Variants in FLRT1 observed in about 807,000 individuals in gnomAD.
The protein encoded by FLRT1 is leucine-rich repeat transmembrane protein FLRT1.
In FLRT1, 14 loss-of-function variants were observed where a neutral mutation model predicts 30.9. The ratio of observed to expected loss-of-function variants is 0.45; its 90% CI spans 0.30 to 0.71. The LOEUF (loss-of-function observed/expected upper bound fraction) is 0.71. Ranked by LOEUF, FLRT1 falls within the 30% of genes least tolerant of loss-of-function variation. The pLI is 0.08. For missense variants in FLRT1, 737 were observed against 949.2 expected, an observed-to-expected ratio of 0.78 and a Z score of 2.94; for synonymous variants, 368 against 430.4, an observed-to-expected ratio of 0.85 and a Z score of 1.80.
intron 2 of FLRT1, among the ~76,000 whole-genome samples, chr11:64,113,873 T>TGGATGGA (rs148072020): frequency 7.4e-6 from 1 of 135,220 alleles, no homozygotes; most frequent in Non-Finnish European, 1.6e-5. Flanking sequence ...GATTGATACA[T>TGGATGGA]GGATGGATGG....
chr11:64,085,629 C>G (rs751680354), intron 1 of FLRT1, among the ~76,000 whole-genome samples: 38 of 152,216 alleles, frequency 2.5e-4, no homozygotes, highest in Non-Finnish European at 4.7e-4. Context: ...GTTCCTCTGC[C>G]CCACATGGCT....
At position 64,064,492 on chromosome 11, in the gene FLRT1, C is replaced by T. The variant is rs1031072073; in HGVS notation, c.-1038+28333C>T. 2.6e-5 allele frequency among the ~76,000 whole-genome samples: 4 copies of T among 152,110 alleles called. No individual in the cohort carries two copies. Among genetic ancestry groups the T allele is most frequent in the African/African-American group, 4.8e-5 (2 of 41,424 alleles). On this transcript the variant is annotated intron_variant, in intron 1 of 2. Coordinates refer to ENST00000682287, the MANE Select transcript of FLRT1 (RefSeq NM_013280.5). This position sits in a 1 kb window ranked among gnomAD's most constrained non-coding sequence, Gnocchi z 4.5. ...AGAACCGGAGGCCTCAGGCCTGCCC[C>T]GGATGGGCACGCAGGCAGGGTGCAT... is the stretch of plus-strand genomic sequence containing the variant.
chr11:64,044,004 G>A (rs1943537911), intron 1 of FLRT1, among the ~76,000 whole-genome samples: 2 of 152,032 alleles, frequency 1.3e-5, no homozygotes, highest in Middle Eastern at 6.8e-3. Flanking sequence ...TAGTAGAGAC[G>A]GGGATTCACC....
intron 1 of FLRT1, among the ~76,000 whole-genome samples, chr11:64,046,678 T>G (rs1448521817): frequency 1.3e-5 from 2 of 152,136 alleles, no homozygotes; most frequent in Non-Finnish European, 1.5e-5. Context: ...TTTGTATTTT[T>G]AATAGAAGCA....
At chr11:64,058,082 C>T (rs553487452) in intron 1 of FLRT1, among the ~76,000 whole-genome samples, 18 of 152,348 alleles carry the variant, frequency 1.2e-4, no homozygotes, top group African/African-American at 3.6e-4. Context: ...GGAACAATTG[C>T]GAACCCATTA....
At chr11:64,065,666 T>G (rs189222621) in intron 1 of FLRT1, among the ~76,000 whole-genome samples, 5 of 152,002 alleles carry the variant, frequency 3.3e-5, no homozygotes, top group Non-Finnish European at 5.9e-5. Context: ...GGCGGCCGCC[T>G]GTAGTCCCAG....
chr11:64,114,256 GTGGATGGA>G (rs1555025643), intron 2 of FLRT1, among the ~76,000 whole-genome samples: 5 of 137,904 alleles, frequency 3.6e-5, no homozygotes, highest in Non-Finnish European at 6.2e-5. Context: ...GGATGGTTAG[GTGGATGGA>G]TGGATGGATG....
chr11:64,081,351 T>C (rs956926907), intron 1 of FLRT1, among the ~76,000 whole-genome samples: 2 of 152,172 alleles, frequency 1.3e-5, no homozygotes, highest in South Asian at 2.1e-4. Flanking sequence ...TCAATGACCA[T>C]GAACTCGCAT....
chr11:64,078,135 C>A (rs1186661482), intron 1 of FLRT1, among the ~76,000 whole-genome samples: 1 of 152,228 alleles, frequency 6.6e-6, no homozygotes, highest in East Asian at 1.9e-4. Context: ...GCACTCCTTT[C>A]CTTCCTCTCA....
intron 1 of FLRT1, among the ~76,000 whole-genome samples, chr11:64,069,105 T>A (rs1944058494): frequency 6.6e-6 from 1 of 151,872 alleles, no homozygotes; most frequent in African/African-American, 2.4e-5. Context: ...GAGAACCAGT[T>A]AGGGGTGTGA....
Position 64,090,187 on chromosome 11 carries a change from G to T in FLRT1, c.-1037-13007G>T, listed in dbSNP as rs944100330. Among the ~76,000 whole-genome samples the T allele has an allele frequency of 6.6e-6, 1 of 152,140 alleles. No individual in the cohort carries two copies. The highest frequency in any genetic ancestry group is 1.9e-4 in the East Asian group (1 of 5,192). Reference sequence around the variant, plus strand: ...TCCCAGGCCCCAGGTTTCAGGCCCCGAACAGCCTGAGTCCACAGGGTGACA... The same window carrying T: ...TCCCAGGCCCCAGGTTTCAGGCCCCTAACAGCCTGAGTCCACAGGGTGACA... On this transcript the variant is annotated intron_variant, in intron 1 of 2. Transcript: ENST00000682287. This position sits in a 1 kb window ranked among gnomAD's most constrained non-coding sequence, Gnocchi z 4.7.
intron 1 of FLRT1, among the ~76,000 whole-genome samples, chr11:64,053,107 G>T (rs766572711): frequency 1.3e-5 from 2 of 152,212 alleles, no homozygotes; most frequent in African/African-American, 2.4e-5. Context: ...TGCCTGAGGG[G>T]TGTGCAGGGA....
rs556412927 is a variant in FLRT1 at position 64,040,569 on chromosome 11, G to A, written c.-1038+4410G>A. On this transcript the variant is annotated intron_variant, in intron 1 of 2. Transcript: ENST00000682287. ...CTGGAAGAGTGGGCTTCCTAGGCCC[G>A]GGATGCCAGGTCCCCTTTTCCCGAG... is the stretch of plus-strand genomic sequence containing the variant. 2.3e-4 allele frequency among the ~76,000 whole-genome samples: 35 copies of A among 152,360 alleles called. 1 individual carries two copies. The highest frequency in any genetic ancestry group is 6.2e-4 in the South Asian group (3 of 4,832).
At chr11:64,108,007 A>G (rs1944793347) in intron 2 of FLRT1, among the ~76,000 whole-genome samples, 1 of 152,176 alleles carries the variant, frequency 6.6e-6, no homozygotes, top group Admixed American at 6.5e-5. Context: ...TATCTTCACA[A>G]AAGCCCAGGG....
intron 1 of FLRT1, among the ~76,000 whole-genome samples, chr11:64,075,434 A>G (rs930416372): frequency 3.9e-5 from 6 of 152,242 alleles, no homozygotes; most frequent in African/African-American, 1.4e-4. Flanking sequence ...CATTTTACAG[A>G]TGGAAGCAAC....
rs1030400423 is a variant in FLRT1 at position 64,116,816 on chromosome 11, C to G, written c.549C>G (p.Phe183Leu). Residue 183 changes from phenylalanine to leucine, a missense_variant, in exon 3 of 3, where the codon TTC becomes TTG. Phe to Leu is a conservative substitution (Grantham distance 22, BLOSUM62 0). Transcript: ENST00000682287. ...ACAGCAAACAGCTCAAGCTGCTCTT[C>G]CTGAGCCGGAACCACCTGAGCAGCA... ...FADSKQLKLL[F>L]LSRNHLSSIP... The G allele has an allele frequency of 1.2e-6, 2 of 1,613,348 alleles. No homozygotes were observed. Among genetic ancestry groups the G allele is most frequent in the Non-Finnish European group, 1.7e-6 (2 of 1,180,028 alleles).
chr11:64,071,874 G>A (rs1448644333), intron 1 of FLRT1, among the ~76,000 whole-genome samples: 4 of 152,166 alleles, frequency 2.6e-5, no homozygotes, highest in Non-Finnish European at 5.9e-5. Context: ...CAGTAGTGGC[G>A]AGAGCCCTGG....
At chr11:64,106,286 GT>G (rs1243271460) in intron 2 of FLRT1, among the ~76,000 whole-genome samples, 1 of 152,092 alleles carries the variant, frequency 6.6e-6, no homozygotes, top group East Asian at 1.9e-4. Context: ...GGCACCCTGG[GT>G]CACCATGACG....
rs149201406 is a variant in FLRT1, at chr11:64,115,977, C to T, written c.-49-242C>T. ...AGCACGGGTCTCATTAATGCGCAGC[C>T]TCTTGGCTCCTGATAAGATTTAACA... On this transcript the variant is annotated intron_variant, in intron 2 of 2. Coordinates refer to ENST00000682287, the MANE Select transcript of FLRT1 (RefSeq NM_013280.5). 2.7e-3 allele frequency among the ~76,000 whole-genome samples: 414 copies of T among 152,350 alleles called. 2 individuals carry two copies. The highest frequency in any genetic ancestry group is 9.3e-3 in the African/African-American group (385 of 41,588).
Sources: gnomAD v4.1 joint callset for allele counts (sites outside exome capture counted in the v4.1 genomes callset) on GRCh38, gnomAD v4.1.1 for gene constraint, Gnocchi (gnomAD v3.1) non-coding constraint, MANE v1.5 for transcripts, NCBI Gene and HGNC (gene_info 2026-07-23, HGNC 2026-07-21) for gene names.